Variants in KCNMA1 observed in about 807,000 individuals in gnomAD.
The protein encoded by KCNMA1 is Calcium-activated potassium channel subunit alpha-1.
KCNMA1 carries 29 observed loss-of-function variants against 140.0 expected under a neutral mutation model. The observed-to-expected ratio is 0.21, with a 90% CI of 0.15 to 0.28. KCNMA1 has a LOEUF of 0.28. KCNMA1 is among the 10% of genes least tolerant of loss of function. The probability of loss-of-function intolerance (pLI) is 1.00; values close to 1 mark genes in which losing one functional copy is unlikely to be tolerated. For missense variants in KCNMA1, 880 were observed against 1,602.2 expected (o/e 0.55, Z 7.70); for synonymous variants, 612 against 611.9 (o/e 1.00, Z 0.00).
intron 5 of KCNMA1, among the ~76,000 whole-genome samples, chr10:77,174,839 C>G (rs1035001121): frequency 6.6e-6 from 1 of 152,150 alleles, no homozygotes; most frequent in Non-Finnish European, 1.5e-5. Flanking sequence ...GAGATGCATA[C>G]AAGTGGTTCT....
At chr10:77,243,083 G>A (rs1239716509) in intron 3 of KCNMA1, among the ~76,000 whole-genome samples, 3 of 152,078 alleles carry the variant, frequency 2.0e-5, no homozygotes, top group Non-Finnish European at 4.4e-5. Flanking sequence ...TCTCCCCAAA[G>A]CTACATGTGT....
Position 77,001,548 on chromosome 10 carries a change from C to T in KCNMA1, c.2125G>A (p.Ala709Thr). 6.4e-7 allele frequency: 1 copy of T among 1,552,090 alleles called. No homozygotes were observed. The highest frequency in any genetic ancestry group is 8.7e-7 in the Non-Finnish European group (1 of 1,146,960). The change falls in exon 19 of 28, where the codon GCA becomes ACA. Residue 709 changes from alanine to threonine, a missense_variant. Transcript: ENST00000286628. Reference sequence around the variant, plus strand: ...GAACGTCCGCAATCAAAACAACATGCCCGTCTCATTCTCTTGTAGATGGAC... The same window carrying T: ...GAACGTCCGCAATCAAAACAACATGTCCGTCTCATTCTCTTGTAGATGGAC... ...KMSIYKRMRR[A>T]CCFDCGRSER...
chr10:77,427,434 T>C (rs913035624), intron 1 of KCNMA1, among the ~76,000 whole-genome samples: 1 of 152,242 alleles, frequency 6.6e-6, no homozygotes, highest in Non-Finnish European at 1.5e-5. Context: ...ACTATCAATA[T>C]GCACCACAGA....
intron 17 of KCNMA1, among the ~76,000 whole-genome samples, chr10:77,015,735 C>T (rs755975228): frequency 2.0e-5 from 3 of 152,050 alleles, no homozygotes; most frequent in Non-Finnish European, 4.4e-5. Flanking sequence ...ACAATCTAAG[C>T]CCTGACTCTA....
At position 77,184,890 on chromosome 10, in the gene KCNMA1, T is replaced by C; in HGVS notation, c.629A>G (p.Tyr210Cys). Reference protein sequence around the residue: ...SNPIESCQNFYKDFTLQIDMA... With the variant: ...SNPIESCQNFCKDFTLQIDMA... ...GTCGATCTGTAATGTGAAATCTTTG[T>C]AGAAATTCTGGCAGGATTCTATTGG... Residue 210 changes from tyrosine to cysteine, a missense_variant, in exon 4 of 28, where the codon TAC becomes TGC. By Grantham distance (194) the Tyr-to-Cys change is radical. Transcript: ENST00000286628. 1 of 1,611,770 alleles carries C rather than the reference T, an allele frequency of 6.2e-7. No homozygotes were observed. The highest frequency in any genetic ancestry group is 8.5e-7 in the Non-Finnish European group (1 of 1,177,926).
intron 23 of KCNMA1, among the ~76,000 whole-genome samples, chr10:76,923,436 A>G (rs954291335): frequency 4.6e-5 from 7 of 151,914 alleles, no homozygotes; most frequent in Middle Eastern, 3.4e-3. Context: ...CTCAAAAAAA[A>G]AAAAAAAAAG....
In KCNMA1 at chr10:77,361,204, T is replaced by G. The variant is rs73286083; in HGVS notation, c.540+42658A>C. Among the ~76,000 whole-genome samples, 451 of 152,312 alleles carry G rather than the reference T, an allele frequency of 3.0e-3. 1 individual carries two copies. The highest frequency in any genetic ancestry group is 0.01 in the African/African-American group (428 of 41,574). On this transcript the variant is annotated intron_variant, in intron 2 of 27. Transcript: ENST00000286628. ...TTGCTCCTAGTACAGAATAGGCAAT[T>G]GGTAACTCTTAACTACTATTAGTGT...
At chr10:77,615,676 T>C (rs1197886946) in intron 1 of KCNMA1, among the ~76,000 whole-genome samples, 1 of 152,126 alleles carries the variant, frequency 6.6e-6, no homozygotes. Flanking sequence ...TATAGTGGTA[T>C]AGGGGTGTGC....
At chr10:77,110,431 A>G in intron 7 of KCNMA1, 88 bp from the exon 8 acceptor site, 1 of 1,142,172 alleles carries the variant, frequency 8.8e-7, no homozygotes. Flanking sequence ...GCACTCTCGA[A>G]GGCCACTTGC....
chr10:77,020,357 G>A (rs1427903808), intron 16 of KCNMA1: 3 of 152,168 alleles, frequency 2.0e-5, no homozygotes, highest in Non-Finnish European at 4.4e-5. Context: ...AGACCTCCGA[G>A]CAGATCATTA....
intron 1 of KCNMA1, among the ~76,000 whole-genome samples, chr10:77,483,236 G>A (rs865890083): frequency 4.6e-5 from 7 of 152,280 alleles, no homozygotes; most frequent in Middle Eastern, 3.4e-3. Context: ...CAGCATATCA[G>A]AAATCTCTCT....
At chr10:77,439,452 G>T (rs146078014) in intron 1 of KCNMA1, among the ~76,000 whole-genome samples, 1 of 152,140 alleles carries the variant, frequency 6.6e-6, no homozygotes, top group African/African-American at 2.4e-5. Flanking sequence ...GGGGTGGGAA[G>T]GGGGCAGGCA....
At chr10:77,556,183 T>C (rs1450446252) in intron 1 of KCNMA1, among the ~76,000 whole-genome samples, 5 of 152,138 alleles carry the variant, frequency 3.3e-5, no homozygotes, top group South Asian at 2.1e-4. Context: ...AATGGTATTA[T>C]AGTTCTCAAA....
intron 6 of KCNMA1, among the ~76,000 whole-genome samples, chr10:77,113,708 C>T (rs1172898913): frequency 6.6e-6 from 1 of 152,162 alleles, no homozygotes; most frequent in Non-Finnish European, 1.5e-5. Flanking sequence ...AGGTGATCTG[C>T]CCGCCTTGGC....
chr10:77,603,978 C>T (rs574689366), intron 1 of KCNMA1, among the ~76,000 whole-genome samples: 1 of 152,340 alleles, frequency 6.6e-6, no homozygotes, highest in African/African-American at 2.4e-5. Flanking sequence ...TTGCTCACAA[C>T]GGTGCCTGAC....
At chr10:77,187,352 T>G (rs763474256) in intron 3 of KCNMA1, among the ~76,000 whole-genome samples, 1 of 152,182 alleles carries the variant, frequency 6.6e-6, no homozygotes, top group Non-Finnish European at 1.5e-5. Flanking sequence ...CTCATAATGC[T>G]TATGTTCAAT....
chr10:77,173,896 G>A (rs1314697743), intron 5 of KCNMA1, among the ~76,000 whole-genome samples: 1 of 152,096 alleles, frequency 6.6e-6, no homozygotes, highest in African/African-American at 2.4e-5. Flanking sequence ...CATAGCGGTT[G>A]AGTCAAGTTA....
intron 5 of KCNMA1, among the ~76,000 whole-genome samples, chr10:77,166,279 C>G (rs1346359720): frequency 6.6e-6 from 1 of 152,130 alleles, no homozygotes; most frequent in Non-Finnish European, 1.5e-5. Context: ...TTTGTAAATT[C>G]GAGTTATAGT....
intron 2 of KCNMA1, among the ~76,000 whole-genome samples, chr10:77,317,801 C>T (rs921463362): frequency 6.6e-6 from 1 of 152,228 alleles, no homozygotes; most frequent in Non-Finnish European, 1.5e-5. Flanking sequence ...TAATAAACCT[C>T]TGAATGCAGC....
Sources: allele counts gnomAD v4.1 joint callset (sites outside exome capture counted in the v4.1 genomes callset), GRCh38; gene constraint gnomAD v4.1.1; transcripts MANE v1.5; gene names NCBI Gene and HGNC (gene_info 2026-07-23, HGNC 2026-07-21).